Variants in BAIAP2L2 observed in about 807,000 individuals in gnomAD.
BAIAP2L2 encodes BAR/IMD domain containing adaptor protein 2 like 2.
In BAIAP2L2, 65 loss-of-function variants were observed where a neutral mutation model predicts 60.4. That is an observed-to-expected ratio of 1.08 (90% CI 0.88 to 1.32). BAIAP2L2 has a LOEUF of 1.32. Ranked by LOEUF, BAIAP2L2 falls within the 40% of genes most tolerant of loss-of-function variation. The probability of loss-of-function intolerance (pLI) is 0.00; values close to 1 mark genes in which losing one functional copy is unlikely to be tolerated. For missense variants in BAIAP2L2, 836 were observed against 741.2 expected (o/e 1.13, Z -1.48); for synonymous variants, 344 against 301.7 (o/e 1.14, Z -1.45).
In BAIAP2L2 at chr22:38,089,103, C is replaced by T. The variant is rs1201340101; in HGVS notation, c.894G>A (p.Pro298=). 1.7e-5 allele frequency: 23 copies of T among 1,376,126 alleles called. No individual in the cohort carries two copies. Among genetic ancestry groups the T allele is most frequent in the Non-Finnish European group, 2.1e-5 (22 of 1,071,074 alleles). 85.2% of individuals were successfully genotyped at this position (1,376,126 alleles called of 1,614,324 possible). The change falls in exon 9 of 14, where the codon CCG becomes CCA. Residue 298 remains proline (P), a synonymous_variant. Coordinates refer to ENST00000381669, the MANE Select transcript of BAIAP2L2 (RefSeq NM_025045.6). The part of the protein sequence containing the change: ...EPDRRSLPRT[P]SASSLYSGSA... ...CGGGGCGGGGGCACTCACAGGCCGA[C>T]GGCGTGCGGGGCAGGGAGCGACGGT...
chr22:38,106,157 G>A (rs542614262), intron 4 of BAIAP2L2, among the ~76,000 whole-genome samples: 7 of 152,228 alleles, frequency 4.6e-5, no homozygotes, highest in Non-Finnish European at 8.8e-5. Flanking sequence ...AGTGCCCAAG[G>A]AGTCCACGGA....
chr22:38,095,755 T>G (rs1474853099), intron 7 of BAIAP2L2, among the ~76,000 whole-genome samples: 1 of 152,100 alleles, frequency 6.6e-6, no homozygotes, highest in South Asian at 2.1e-4. Context: ...TAGGGTGAAG[T>G]TGGCATTTTT....
chr22:38,103,888 A>G (rs899838570), intron 4 of BAIAP2L2, among the ~76,000 whole-genome samples: 3 of 150,430 alleles, frequency 2.0e-5, no homozygotes, highest in African/African-American at 7.3e-5. Context: ...AGAAGCTTCC[A>G]CTGGCCAAAA....
In BAIAP2L2 at chr22:38,084,929, T is replaced by TTTACAAAAGATGTACAGAGAGGGCATGTG. The variant is rs1555960551; in HGVS notation, c.*342_*370dup. ...CGTCCACTTCCTTTATTTCTCATCA[T>TTTACAAAAGATGTACAGAGAGGGCATGTG]TTACAAAAGATGTACAGAGAGGGCA... On this transcript the variant is annotated 3_prime_UTR_variant, in exon 14 of 14. Coordinates refer to ENST00000381669, the MANE Select transcript of BAIAP2L2 (RefSeq NM_025045.6). 0.022 allele frequency: 4,699 copies of TTTACAAAAGATGTACAGAGAGGGCATGTG among 209,598 alleles called. 212 individuals are homozygous for TTTACAAAAGATGTACAGAGAGGGCATGTG. The highest frequency in any genetic ancestry group is 0.1 in the African/African-American group (4,312 of 42,648). 13.0% of individuals were successfully genotyped at this position (209,598 alleles called of 1,614,324 possible). A position where few individuals can be genotyped will look rare whatever the true frequency, so the allele number is the denominator to read the frequency against.
At chr22:38,106,980 G>C (rs1315998988) in intron 4 of BAIAP2L2, among the ~76,000 whole-genome samples, 2 of 152,184 alleles carry the variant, frequency 1.3e-5, no homozygotes. Context: ...CATAGCTAAG[G>C]TATCCAGGGG....
Position 38,089,504 on chromosome 22 carries a change from G to A in BAIAP2L2, c.765+18C>T, listed in dbSNP as rs2086226105. On this transcript the variant is annotated intron_variant, in intron 8 of 13. Transcript: ENST00000381669. ...GCGGCGGGGGCGCGAACGGCGGCGG[G>A]GGCGCCCAGGGCCTCACCATGTCCA... 1.7e-6 allele frequency: 2 copies of A among 1,196,828 alleles called. No homozygotes were observed. The highest frequency in any genetic ancestry group is 1.6e-5 in the African/African-American group (1 of 62,886). The allele number at this position is 1,196,828 out of a possible 1,614,324, so 74.1% of individuals were successfully genotyped here.
chr22:38,093,665 G>C (rs1277896276), intron 7 of BAIAP2L2, among the ~76,000 whole-genome samples: 2 of 152,130 alleles, frequency 1.3e-5, no homozygotes, highest in African/African-American at 4.8e-5. Flanking sequence ...ATCAGATATC[G>C]CTTCACACCT....
chr22:38,094,066 A>C (rs1225626552), intron 7 of BAIAP2L2: 1 of 453,194 alleles, frequency 2.2e-6, no homozygotes, highest in Admixed American at 2.4e-5. Flanking sequence ...GAGCACACAC[A>C]TTGTATGATT....
Position 38,098,033 on chromosome 22 carries a change from T to TGGCCCACCCCCGCTTCCC in BAIAP2L2, c.465+12_465+29dup, listed in dbSNP as rs1569225982. 7 of 626,990 alleles carry TGGCCCACCCCCGCTTCCC rather than the reference T, an allele frequency of 1.1e-5. No homozygotes were observed. The African/African-American group carries it at 1.2e-4, about 10-fold the overall frequency. The allele number at this position is 626,990 out of a possible 1,614,324, so 38.8% of individuals were successfully genotyped here. A position where few individuals can be genotyped will look rare whatever the true frequency, so the allele number is the denominator to read the frequency against. On this transcript the variant is annotated intron_variant, in intron 6 of 13. Coordinates refer to ENST00000381669, the MANE Select transcript of BAIAP2L2 (RefSeq NM_025045.6). ...CCGAGGTCTGCCCACCCGCCCTTCC[T>TGGCCCACCCCCGCTTCCC]GGCCCACCCCCGCTTCCCGGCCCTC...
intron 8 of BAIAP2L2, 38 bp from the exon 9 acceptor site, chr22:38,089,269 GGGGGGGGGGC>G (rs2086210379): frequency 1.6e-5 from 3 of 187,520 alleles, no homozygotes; most frequent in Non-Finnish European, 2.7e-5. Flanking sequence ...GGGGCGGGGG[GGGGGGGGGGC>G]GGGGCCGCGC....
chr22:38,108,422 T>C, intron 2 of BAIAP2L2, 81 bp from the exon 3 acceptor site: 1 of 1,136,542 alleles, frequency 8.8e-7, no homozygotes, highest in Admixed American at 2.3e-5. Flanking sequence ...TGGAGGGGAC[T>C]GTGTCTGTCC....
chr22:38,086,316 T>G lies in BAIAP2L2; in HGVS notation c.1393A>C (p.Ser465Arg). The change falls in exon 12 of 14, where the codon AGC becomes CGC. Residue 465 changes from serine to arginine, a missense_variant. Physicochemically the swap from Ser to Arg is moderately radical, Grantham distance 110 (BLOSUM62 -1). Coordinates refer to ENST00000381669, the MANE Select transcript of BAIAP2L2 (RefSeq NM_025045.6). ...TPSRVPSRAP[S>R]PAPPPLPSSR... ...CTGGGCAAGGGTGGAGGTGCAGGGCTGGGGGCACGGCTTGGCACCCGGCTT... is the reference window on the plus strand; with the variant it reads ...CTGGGCAAGGGTGGAGGTGCAGGGCGGGGGGCACGGCTTGGCACCCGGCTT... The G allele has an allele frequency of 6.2e-7, 1 of 1,606,894 alleles. No homozygotes were observed. The highest frequency in any genetic ancestry group is 8.5e-7 in the Non-Finnish European group (1 of 1,176,136).
At chr22:38,087,729 C>G (rs2086138941) in intron 10 of BAIAP2L2, among the ~76,000 whole-genome samples, 1 of 152,058 alleles carries the variant, frequency 6.6e-6, no homozygotes, top group African/African-American at 2.4e-5. Flanking sequence ...ATGAGTCCCT[C>G]CATACATCAC....
chr22:38,087,337 T>A, intron 10 of BAIAP2L2, 73 bp from the exon 11 acceptor site: 1 of 1,534,828 alleles, frequency 6.5e-7, no homozygotes, highest in South Asian at 1.2e-5. Flanking sequence ...GAAGACATCC[T>A]CCCCTCAGGG....
At chr22:38,087,626 C>T (rs1162905879) in intron 10 of BAIAP2L2, among the ~76,000 whole-genome samples, 1 of 152,040 alleles carries the variant, frequency 6.6e-6, no homozygotes, top group African/African-American at 2.4e-5. Flanking sequence ...GTGTCCCTAT[C>T]GTTGGCGTTC....
chr22:38,090,165 C>T (rs1171999351), intron 7 of BAIAP2L2: 1 of 139,060 alleles, frequency 7.2e-6, no homozygotes, highest in Non-Finnish European at 1.5e-5. Context: ...GGCTGGAGTG[C>T]AATGGCGCGA....
rs1304123109 is a variant in BAIAP2L2 at position 38,109,723 on chromosome 22, C to T, written c.52-515G>A. 2.0e-5 allele frequency among the ~76,000 whole-genome samples: 3 copies of T among 152,002 alleles called. No homozygotes were observed. The South Asian group carries it at 6.2e-4, about 32-fold the overall frequency. The stretch of plus-strand genomic sequence containing the variant: ...AGTGTGGGCCTCCTCGGGCTGGGGC[C>T]GGGCAGAGAGCTCCCCGGATGGTGA... On this transcript the variant is annotated intron_variant, in intron 1 of 13. Coordinates refer to ENST00000381669, the MANE Select transcript of BAIAP2L2 (RefSeq NM_025045.6).
intron 4 of BAIAP2L2, 80 bp downstream of exon 4, chr22:38,107,772 C>G: frequency 7.3e-7 from 1 of 1,361,816 alleles, no homozygotes; most frequent in Non-Finnish European, 1.0e-6. Flanking sequence ...GGAAGGGCAT[C>G]TGGTAGGCTG....
chr22:38,095,829 GA>G (rs949352838), intron 7 of BAIAP2L2, among the ~76,000 whole-genome samples: 3 of 151,830 alleles, frequency 2.0e-5, no homozygotes, highest in African/African-American at 7.3e-5. Flanking sequence ...CAGGTAGAGA[GA>G]AAAAAATAGT....
Sources: allele counts gnomAD v4.1 joint callset (sites outside exome capture counted in the v4.1 genomes callset), GRCh38; gene constraint gnomAD v4.1.1; transcripts MANE v1.5; gene names NCBI Gene and HGNC (gene_info 2026-07-23, HGNC 2026-07-21).